Variants in PIK3C2G observed in about 807,000 individuals in gnomAD.
PIK3C2G encodes the protein phosphatidylinositol 3-kinase C2 domain-containing subunit gamma.
Under a neutral mutation model 181.1 loss-of-function variants are expected in PIK3C2G, and 168 were observed. That is an observed-to-expected ratio of 0.93 (90% CI 0.82 to 1.05). PIK3C2G has a LOEUF of 1.05. Ranked by LOEUF, PIK3C2G falls within the 50% of genes least tolerant of loss-of-function variation. The pLI, the probability that PIK3C2G is intolerant of heterozygous loss-of-function variation, is 0.00. For synonymous variants in PIK3C2G, 573 were observed against 592.2 expected, an observed-to-expected ratio of 0.97 and a Z score of 0.47; for missense variants, 1,869 against 1,732.8, an observed-to-expected ratio of 1.08 and a Z score of -1.40.
chr12:18,399,734 A>G lies in PIK3C2G; in HGVS notation c.2202A>G (p.Leu734=). Residue 734 remains leucine, a synonymous_variant, in exon 16 of 33, where the codon TTA becomes TTG. Transcript: ENST00000538779. ...YCNNENCSLP[L]VLGSAPGWDE... Reference sequence around the variant, plus strand: ...ATAATGAAAACTGCTCCCTTCCTTTAGTCCTGGGTAGTGCCCCTGGATGGG... The same window carrying G: ...ATAATGAAAACTGCTCCCTTCCTTTGGTCCTGGGTAGTGCCCCTGGATGGG... 1 of 1,603,930 alleles carries G rather than the reference A, an allele frequency of 6.2e-7. No individual in the cohort carries two copies. Among genetic ancestry groups the G allele is most frequent in the South Asian group, 1.1e-5 (1 of 90,070 alleles).
At chr12:18,254,612 A>C (rs942808960) in intron 1 of PIK3C2G, among the ~76,000 whole-genome samples, 5 of 151,952 alleles carry the variant, frequency 3.3e-5, no homozygotes, top group African/African-American at 9.7e-5. Context: ...TGGGAGGCCA[A>C]GGCAGGTGGA....
chr12:18,270,373 C>CT (rs1006147864), intron 1 of PIK3C2G, among the ~76,000 whole-genome samples: 6 of 149,202 alleles, frequency 4.0e-5, no homozygotes, highest in Admixed American at 6.7e-5. Context: ...TTGAGCCCAT[C>CT]TTTTTTTTTT....
intron 29 of PIK3C2G, among the ~76,000 whole-genome samples, chr12:18,581,655 C>G (rs572072927): frequency 2.0e-5 from 3 of 152,258 alleles, no homozygotes; most frequent in Admixed American, 2.0e-4. Context: ...TCTAAACCCA[C>G]TACATTTGAG....
downstream of PIK3C2G, among the ~76,000 whole-genome samples, chr12:18,653,234 A>C (rs566254846): frequency 6.6e-6 from 1 of 152,282 alleles, no homozygotes; most frequent in African/African-American, 2.4e-5. Flanking sequence ...GAGGAAATGG[A>C]TTATTGAGAA....
chr12:18,685,294 A>G, the PIK3C2G span, among the ~76,000 whole-genome samples: 4 of 152,130 alleles, frequency 2.6e-5, no homozygotes, highest in Admixed American at 2.0e-4. Flanking sequence ...AGAAATCCAC[A>G]TCGTGTCACA....
intron 6 of PIK3C2G, among the ~76,000 whole-genome samples, chr12:18,318,398 A>G (rs565600884): frequency 9.9e-5 from 15 of 152,190 alleles, no homozygotes; most frequent in African/African-American, 3.6e-4. Flanking sequence ...GAATTGCCCT[A>G]TTTTACATAA....
the PIK3C2G span, among the ~76,000 whole-genome samples, chr12:18,706,440 T>C: frequency 6.6e-6 from 1 of 152,296 alleles, no homozygotes; most frequent in East Asian, 1.9e-4. Context: ...ATATTCTGCT[T>C]TTTCAGTTTT....
the PIK3C2G span, among the ~76,000 whole-genome samples, chr12:18,717,266 G>C: frequency 6.6e-6 from 1 of 151,822 alleles, no homozygotes; most frequent in East Asian, 1.9e-4. Context: ...AAAATGAATG[G>C]AAATTCCTAT....
At chr12:18,427,340 C>A (rs1945876061) in intron 18 of PIK3C2G, among the ~76,000 whole-genome samples, 1 of 151,082 alleles carries the variant, frequency 6.6e-6, no homozygotes, top group African/African-American at 2.4e-5. Context: ...ACCCCCATTT[C>A]TACTAAAAAT....
At chr12:18,358,134 T>C (rs980105491) in intron 11 of PIK3C2G, among the ~76,000 whole-genome samples, 24 of 152,228 alleles carry the variant, frequency 1.6e-4, no homozygotes, top group Admixed American at 1.2e-3. Context: ...TGCTGGATTA[T>C]ATGGTAGTTC....
At chr12:18,477,938 G>A (rs148518573) in intron 18 of PIK3C2G, among the ~76,000 whole-genome samples, 147 of 152,220 alleles carry the variant, frequency 9.7e-4, no homozygotes, top group African/African-American at 3.3e-3. Flanking sequence ...TCACCAGAGG[G>A]CTGTGCAAGA....
chr12:18,473,170 T>C (rs1938614826), intron 18 of PIK3C2G, among the ~76,000 whole-genome samples: 1 of 152,142 alleles, frequency 6.6e-6, no homozygotes, highest in Non-Finnish European at 1.5e-5. Flanking sequence ...AGGAAGATGG[T>C]TCTAAGTAAG....
intron 5 of PIK3C2G, among the ~76,000 whole-genome samples, chr12:18,303,227 TTC>T (rs1285362828): frequency 3.3e-5 from 5 of 150,740 alleles, no homozygotes; most frequent in Non-Finnish European, 5.9e-5. Context: ...CTTTCCTTCT[TTC>T]TCTCTTTCTC....
intron 5 of PIK3C2G, among the ~76,000 whole-genome samples, chr12:18,302,853 G>T (rs921532655): frequency 1.3e-5 from 2 of 152,050 alleles, no homozygotes; most frequent in African/African-American, 4.8e-5. Context: ...GGATATGTTT[G>T]GGTGCTATGT....
chr12:18,639,712 A>C (rs1378308757), intron 31 of PIK3C2G, among the ~76,000 whole-genome samples: 1 of 152,152 alleles, frequency 6.6e-6, no homozygotes, highest in African/African-American at 2.4e-5. Flanking sequence ...ACAAGTTCTG[A>C]AGCCAGGAAG....
intron 16 of PIK3C2G, among the ~76,000 whole-genome samples, chr12:18,403,801 G>C (rs1944379280): frequency 6.6e-6 from 1 of 152,112 alleles, no homozygotes; most frequent in African/African-American, 2.4e-5. Context: ...AGAAGGGGGT[G>C]CTGTCAGGAA....
the PIK3C2G span, chr12:18,696,137 G>C: frequency 0.39 from 495,153 of 1,254,542 alleles, 100,692 homozygotes; most frequent in African/African-American, 0.6. Context: ...ACTCAATATC[G>C]TATATAACAT....
intron 14 of PIK3C2G, among the ~76,000 whole-genome samples, chr12:18,389,012 G>T (rs1031943286): frequency 1.3e-5 from 2 of 152,132 alleles, no homozygotes; most frequent in Admixed American, 6.5e-5. Context: ...ATGTCATGGC[G>T]CATGCAATGT....
At chr12:18,558,770 T>C (rs1455949733) in intron 26 of PIK3C2G, among the ~76,000 whole-genome samples, 1 of 152,206 alleles carries the variant, frequency 6.6e-6, no homozygotes, top group Non-Finnish European at 1.5e-5. Context: ...GGGCATCCTA[T>C]TTAAAACTGT....
Sources: gnomAD v4.1 joint callset for allele counts (sites outside exome capture counted in the v4.1 genomes callset) on GRCh38, gnomAD v4.1.1 for gene constraint, MANE v1.5 for transcripts, NCBI Gene and HGNC (gene_info 2026-07-23, HGNC 2026-07-21) for gene names.